The following GRIK4 variants were observed in gnomAD, a reference collection of about 807,000 sequenced individuals.
GRIK4 encodes glutamate ionotropic receptor kainate type subunit 4, also known as glutamate receptor ionotropic, kainate 4.
In GRIK4, 40 loss-of-function variants were observed where a neutral mutation model predicts 104.9. That is an observed-to-expected ratio of 0.38 (90% CI 0.30 to 0.50). GRIK4 has a LOEUF of 0.50. Ranked by LOEUF, GRIK4 falls within the 20% of genes least tolerant of loss-of-function variation. GRIK4 has a pLI of 0.93. For missense variants in GRIK4, 1,047 were observed against 1,308.1 expected, an observed-to-expected ratio of 0.80 and a Z score of 3.08; for synonymous variants, 485 against 524.9, an observed-to-expected ratio of 0.92 and a Z score of 1.04.
chr11:120,808,339 T>C (rs1489470951), intron 4 of GRIK4, among the ~76,000 whole-genome samples: 4 of 152,212 alleles, frequency 2.6e-5, no homozygotes, highest in African/African-American at 4.8e-5. Flanking sequence ...TTAAATGAGA[T>C]GGTGCTTAAA....
rs1248474167 is a variant in GRIK4, at chr11:120,815,381, G to A, written c.251G>A (p.Cys84Tyr). ...CTGTCCCTGCCGCTGGCTGCAGTGT[G>A]TCAGATCCTCCCCAAGGGGGTGGTC... Reference protein sequence around the residue: ...DSEYETAETMCQILPKGVVAV... With the variant: ...DSEYETAETMYQILPKGVVAV... The change falls in exon 5 of 21, where the codon TGT (cysteine) becomes TAT (tyrosine). Residue 84 changes from cysteine to tyrosine, a missense_variant. By Grantham distance (194) the Cys-to-Tyr change is radical. Coordinates refer to ENST00000527524, the MANE Select transcript of GRIK4 (RefSeq NM_014619.5). 3 of 1,541,364 alleles carry A rather than the reference G, an allele frequency of 1.9e-6. No individual in the cohort carries two copies. The highest frequency in any genetic ancestry group is 2.5e-5 in the East Asian group (1 of 40,800).
chr11:120,961,277 C>T (rs1944281998), intron 17 of GRIK4, among the ~76,000 whole-genome samples: 1 of 152,180 alleles, frequency 6.6e-6, no homozygotes, highest in Non-Finnish European at 1.5e-5. Flanking sequence ...GCGTTAATAT[C>T]AGCCGGTGCC....
chr11:120,594,219 T>C (rs1373007444), intron 1 of GRIK4, among the ~76,000 whole-genome samples: 1 of 152,264 alleles, frequency 6.6e-6, no homozygotes, highest in Non-Finnish European at 1.5e-5. Flanking sequence ...GGCTCATGCC[T>C]GTAATCCCAG....
intron 3 of GRIK4, among the ~76,000 whole-genome samples, chr11:120,784,649 G>C (rs1486496976): frequency 6.6e-6 from 1 of 152,126 alleles, no homozygotes; most frequent in Non-Finnish European, 1.5e-5. Flanking sequence ...TAACATGATG[G>C]AGATTGACAG....
At chr11:120,784,384 AT>A (rs966754515) in intron 3 of GRIK4, among the ~76,000 whole-genome samples, 1 of 152,038 alleles carries the variant, frequency 6.6e-6, no homozygotes, top group African/African-American at 2.4e-5. Context: ...GGCCCTCCAG[AT>A]TTTTCTACCC....
intron 9 of GRIK4, chr11:120,871,567 G>A (rs1954611397): frequency 2.2e-6 from 1 of 456,302 alleles, no homozygotes; most frequent in Non-Finnish European, 4.4e-6. Flanking sequence ...GGTGTCCTTT[G>A]TTGCTTAGTC....
chr11:120,829,825 G>A (rs1248723471), intron 6 of GRIK4, among the ~76,000 whole-genome samples: 1 of 152,212 alleles, frequency 6.6e-6, no homozygotes, highest in Non-Finnish European at 1.5e-5. Flanking sequence ...AGAGCTTTGG[G>A]ATCAGGATTG....
Position 120,905,633 on chromosome 11 carries a change from C to A in GRIK4, c.1476+140C>A. ...TTTGTCATTTATTTGTCCACTCATTCTATAAATCTTGCCTGGACTGGCACA... is the reference window on the plus strand; with the variant it reads ...TTTGTCATTTATTTGTCCACTCATTATATAAATCTTGCCTGGACTGGCACA... On this transcript the variant is annotated intron_variant, in intron 13 of 20. Coordinates refer to ENST00000527524, the MANE Select transcript of GRIK4 (RefSeq NM_014619.5). This position sits in a 1 kb window ranked among gnomAD's most constrained non-coding sequence, Gnocchi z 5.1. 1 of 686,784 alleles carries A rather than the reference C, an allele frequency of 1.5e-6. No homozygotes were observed. Among genetic ancestry groups the A allele is most frequent in the Non-Finnish European group, 2.6e-6 (1 of 391,482 alleles). The allele number at this position is 686,784 out of a possible 1,614,324, so 42.5% of individuals were successfully genotyped here.
Position 120,728,131 on chromosome 11 carries a change from C to G in GRIK4, c.82+67731C>G, listed in dbSNP as rs572929224. ...ACCAAGACATATTTTAGTAATATAA[C>G]TGGGTTTTAAAGAAAAAGAAAAAAA... On this transcript the variant is annotated intron_variant, in intron 3 of 20. Coordinates refer to ENST00000527524, the MANE Select transcript of GRIK4 (RefSeq NM_014619.5). Among the ~76,000 whole-genome samples, 3 of 152,040 alleles carry G rather than the reference C, an allele frequency of 2.0e-5. No individual in the cohort carries two copies. In the South Asian group the frequency reaches 6.2e-4, roughly 32 times the overall value.
chr11:120,959,550 G>A (rs1238191705), intron 16 of GRIK4, among the ~76,000 whole-genome samples: 1 of 152,252 alleles, frequency 6.6e-6, no homozygotes, highest in Admixed American at 6.5e-5. Flanking sequence ...ATCCCAAACT[G>A]TGCTTAGATC....
chr11:120,783,134 C>T (rs377368730), intron 3 of GRIK4, among the ~76,000 whole-genome samples: 3 of 152,370 alleles, frequency 2.0e-5, no homozygotes, highest in South Asian at 2.1e-4. Context: ...GCAGCCCCCC[C>T]ACAGAGAATT....
chr11:120,763,921 T>C (rs965974117), intron 3 of GRIK4, among the ~76,000 whole-genome samples: 1 of 152,230 alleles, frequency 6.6e-6, no homozygotes, highest in African/African-American at 2.4e-5. Context: ...GTATATTCTG[T>C]TGATTTGGGG....
At chr11:120,693,516 T>C (rs1420077898) in intron 3 of GRIK4, among the ~76,000 whole-genome samples, 2 of 152,172 alleles carry the variant, frequency 1.3e-5, no homozygotes, top group East Asian at 1.9e-4. Flanking sequence ...CATCCATCCG[T>C]CTATCAGTTA....
chr11:120,658,763 T>C (rs1217098589), intron 2 of GRIK4, among the ~76,000 whole-genome samples: 1 of 98,318 alleles, frequency 1.0e-5, no homozygotes, highest in Non-Finnish European at 2.1e-5. Context: ...TTTTTTTTTT[T>C]TTTGAGACGG....
At position 120,620,074 on chromosome 11, in the gene GRIK4, A is replaced by G. The variant is rs910143697; in HGVS notation, c.-158-33611A>G. 7.3e-6 allele frequency: 5 copies of G among 681,146 alleles called. No individual in the cohort carries two copies. The East Asian group carries it at 1.3e-4, about 17-fold the overall frequency. The allele number at this position is 681,146 out of a possible 1,614,324, so 42.2% of individuals were successfully genotyped here. ...TACTTTTGATAGCACATGTGAAGGT[A>G]CCTCTCTAAAACTGGCCTCATTGGT... On this transcript the variant is annotated intron_variant, in intron 1 of 20. Transcript: ENST00000527524.
At chr11:120,593,181 C>CAA (rs563165078) in intron 1 of GRIK4, among the ~76,000 whole-genome samples, 3,757 of 102,106 alleles carry the variant, frequency 0.037, 120 homozygotes, top group Admixed American at 0.12. Context: ...GACTCTGTCT[C>CAA]AAAAAAAAAA....
At chr11:120,935,709 A>G (rs759141202) in intron 13 of GRIK4, among the ~76,000 whole-genome samples, 1 of 152,204 alleles carries the variant, frequency 6.6e-6, no homozygotes, top group African/African-American at 2.4e-5. Flanking sequence ...GGAGTCAACT[A>G]AAGATGAATA....
chr11:120,863,042 A>G (rs1954303853), intron 9 of GRIK4, among the ~76,000 whole-genome samples: 4 of 152,354 alleles, frequency 2.6e-5, no homozygotes, highest in Non-Finnish European at 1.5e-5. Flanking sequence ...GACCAGGATC[A>G]GAACCCAGGC....
At chr11:120,892,668 G>A (rs559596998) in intron 11 of GRIK4, among the ~76,000 whole-genome samples, 3 of 152,216 alleles carry the variant, frequency 2.0e-5, no homozygotes, top group South Asian at 2.1e-4. Context: ...GTGCATTGCC[G>A]CAGAAGTGAC....
Sources: gnomAD v4.1 joint callset for allele counts (sites outside exome capture counted in the v4.1 genomes callset) on GRCh38, gnomAD v4.1.1 for gene constraint, Gnocchi (gnomAD v3.1) non-coding constraint, MANE v1.5 for transcripts, NCBI Gene and HGNC (gene_info 2026-07-23, HGNC 2026-07-21) for gene names.